FHOD3: variants seen among roughly 807,000 people sequenced by gnomAD.
FHOD3 encodes FH1/FH2 domain-containing protein 3.
A neutral mutation model predicts 173.0 loss-of-function variants in FHOD3; 90 were observed. The observed-to-expected ratio is 0.52, with a 90% CI of 0.44 to 0.62. The LOEUF (loss-of-function observed/expected upper bound fraction) is 0.62, where lower values mean the gene tolerates loss of function less well. Ranked by LOEUF, FHOD3 falls within the 20% of genes least tolerant of loss-of-function variation. The pLI is 0.00. For missense variants in FHOD3, 1,945 were observed against 2,034.7 expected, an observed-to-expected ratio of 0.96 and a Z score of 0.85; for synonymous variants, 828 against 823.0, an observed-to-expected ratio of 1.01 and a Z score of -0.10.
At chr18:36,589,078 G>A (rs967475276) in intron 6 of FHOD3, among the ~76,000 whole-genome samples, 1 of 152,198 alleles carries the variant, frequency 6.6e-6, no homozygotes, top group Admixed American at 6.5e-5. Flanking sequence ...TATTTTGAGA[G>A]TGCAAAATGA....
chr18:36,497,882 C>G (rs1173409631), intron 3 of FHOD3, among the ~76,000 whole-genome samples: 1 of 152,150 alleles, frequency 6.6e-6, no homozygotes, highest in Non-Finnish European at 1.5e-5. Context: ...AGAACAGCCA[C>G]TCAATAACAG....
intron 7 of FHOD3, among the ~76,000 whole-genome samples, chr18:36,595,597 G>C (rs912047509): frequency 6.6e-6 from 1 of 152,092 alleles, no homozygotes. Flanking sequence ...TCTCCAAGTC[G>C]GGGTTGCCTG....
At chr18:36,453,517 C>T (rs1046240862) in intron 3 of FHOD3, among the ~76,000 whole-genome samples, 1 of 152,254 alleles carries the variant, frequency 6.6e-6, no homozygotes, top group African/African-American at 2.4e-5. Context: ...CTGCGCAATG[C>T]AGCCTCCAGG....
chr18:36,651,143 C>G (rs989469519), intron 11 of FHOD3, among the ~76,000 whole-genome samples: 2 of 152,122 alleles, frequency 1.3e-5, no homozygotes, highest in African/African-American at 4.8e-5. Flanking sequence ...AGTGTGTGCT[C>G]CCCGCCTGAG....
At chr18:36,608,261 A>G (rs2032300500) in intron 8 of FHOD3, among the ~76,000 whole-genome samples, 1 of 152,266 alleles carries the variant, frequency 6.6e-6, no homozygotes, top group Non-Finnish European at 1.5e-5. Flanking sequence ...TCCAATATCA[A>G]GATGCTGGCA....
At chr18:36,490,321 T>C (rs940009599) in intron 3 of FHOD3, among the ~76,000 whole-genome samples, 4 of 152,190 alleles carry the variant, frequency 2.6e-5, no homozygotes, top group Non-Finnish European at 5.9e-5. Context: ...TGGACTTTGC[T>C]GGGGCCCCAA....
intron 3 of FHOD3, among the ~76,000 whole-genome samples, chr18:36,392,565 C>T (rs1326998985): frequency 3.3e-5 from 5 of 152,202 alleles, no homozygotes; most frequent in African/African-American, 1.2e-4. Flanking sequence ...AAGTCTACTT[C>T]CTGCCCTCCC....
chr18:36,744,110 C>T lies in FHOD3; in HGVS notation c.3958C>T (p.His1320Tyr). The part of the protein sequence containing the change: ...DTVHKQSLLH[H>Y]VCTMVVENFP... ...AGTGCACAAGCAGTCGCTTCTCCAC[C>T]ATGTGTGCACCATGGTGGTAGAAAA... The change falls in exon 23 of 29, where the codon CAT becomes TAT. Residue 1320 changes from histidine to tyrosine, a missense_variant. Physicochemically the swap from His to Tyr is moderately conservative, Grantham distance 83. Around this residue, in one of 5 missense-constraint regions of FHOD3, gnomAD observed 231 missense variants for 321.9 expected, o/e 0.72. Transcript: ENST00000590592. 6.2e-7 allele frequency: 1 copy of T among 1,614,176 alleles called. No homozygotes were observed. Among genetic ancestry groups the T allele is most frequent in the South Asian group, 1.1e-5 (1 of 91,082 alleles).
At chr18:36,573,218 G>T (rs1192663496) in intron 5 of FHOD3, among the ~76,000 whole-genome samples, 1 of 151,000 alleles carries the variant, frequency 6.6e-6, no homozygotes, top group Admixed American at 6.6e-5. Flanking sequence ...TTAGAAAGCT[G>T]GGAAAATAGG....
chr18:36,608,993 T>C (rs1208712141), intron 8 of FHOD3, among the ~76,000 whole-genome samples: 1 of 152,256 alleles, frequency 6.6e-6, no homozygotes, highest in African/African-American at 2.4e-5. Flanking sequence ...ACAATGGTTT[T>C]ATCCTACAAG....
chr18:36,381,097 G>A (rs148709700), intron 3 of FHOD3, among the ~76,000 whole-genome samples: 13 of 152,300 alleles, frequency 8.5e-5, no homozygotes, highest in Non-Finnish European at 1.3e-4. Flanking sequence ...TACAATTGCC[G>A]AGACCGAGGC....
Position 36,649,387 on chromosome 18 carries a change from C to A in FHOD3, c.1268C>A (p.Ser423Tyr), listed in dbSNP as rs1259728030. Residue 423 changes from serine to tyrosine, a missense_variant, in exon 11 of 29, where the codon TCC (serine) becomes TAC (tyrosine). Coordinates refer to ENST00000590592, the MANE Select transcript of FHOD3 (RefSeq NM_001281740.3). ...SSEEEREDDASCQGKDSKVGA... is the reference protein window; with the variant it reads ...SSEEEREDDAYCQGKDSKVGA... Reference sequence around the variant, plus strand: ...GAAGAAGAGAGAGAGGATGATGCTTCCTGTCAGGGCAAGGACAGGTACCTA... The same window carrying A: ...GAAGAAGAGAGAGAGGATGATGCTTACTGTCAGGGCAAGGACAGGTACCTA... 6.5e-7 allele frequency: 1 copy of A among 1,535,576 alleles called. No homozygotes were observed. The highest frequency in any genetic ancestry group is 2.0e-5 in the Admixed American group (1 of 50,974).
intron 6 of FHOD3, among the ~76,000 whole-genome samples, chr18:36,583,459 C>T (rs1196837471): frequency 6.6e-6 from 1 of 152,200 alleles, no homozygotes; most frequent in East Asian, 1.9e-4. Flanking sequence ...CTTCTCCTCC[C>T]CCACCTTGTT....
At chr18:36,482,846 CTCACACACACACAGAGAGAGAGAG>C (rs1245188230) in intron 3 of FHOD3, among the ~76,000 whole-genome samples, 2 of 54,414 alleles carry the variant, frequency 3.7e-5, no homozygotes, top group African/African-American at 1.3e-4. Context: ...CACACACACA[CTCACACACACACAGAGAGAGAGAG>C]AGAGAGAGAG....
chr18:36,321,438 G>T (rs2044388196), intron 1 of FHOD3, among the ~76,000 whole-genome samples: 1 of 152,206 alleles, frequency 6.6e-6, no homozygotes, highest in South Asian at 2.1e-4. Flanking sequence ...AGCTCAGCTT[G>T]CATGACTTCT....
intron 5 of FHOD3, among the ~76,000 whole-genome samples, chr18:36,554,362 T>C (rs564297706): frequency 5.3e-5 from 8 of 152,110 alleles, no homozygotes; most frequent in African/African-American, 1.2e-4. Context: ...TAGAAACCAT[T>C]ATTCTGAGCA....
Position 36,755,334 on chromosome 18 carries a change from CCTT to C in FHOD3, c.4425+24_4425+26del, listed in dbSNP as rs572175038. 78 of 1,469,972 alleles carry C rather than the reference CCTT, an allele frequency of 5.3e-5. 1 individual carries two copies. In the East Asian group the frequency reaches 1.3e-3, roughly 25 times the overall value. The allele number at this position is 1,469,972 out of a possible 1,614,324, so 91.1% of individuals were successfully genotyped here. A position where few individuals can be genotyped will look rare whatever the true frequency, so the allele number is the denominator to read the frequency against. On this transcript the variant is annotated intron_variant, in intron 25 of 28. Transcript: ENST00000590592. ...GATGTAAGTTTCACACAATCCCTCT[CCTT>C]ATGTCATTCGTTTTCAAAGTAAGAT...
chr18:36,693,171 T>C, intron 16 of FHOD3, 38 bp from the exon 17 acceptor site: 3 of 1,583,876 alleles, frequency 1.9e-6, no homozygotes, highest in Non-Finnish European at 2.6e-6. Flanking sequence ...CAGGCTCCTC[T>C]TTCGTTTGAC....
At chr18:36,606,655 C>T (rs1599849361) in intron 8 of FHOD3, among the ~76,000 whole-genome samples, 1 of 152,144 alleles carries the variant, frequency 6.6e-6, no homozygotes, top group Admixed American at 6.5e-5. Flanking sequence ...AGTCCCAAAT[C>T]CAGAGTCTCA....
Sources: allele counts gnomAD v4.1 joint callset (sites outside exome capture counted in the v4.1 genomes callset), GRCh38; gene constraint gnomAD v4.1.1; regional missense constraint gnomAD v4.1.1; transcripts MANE v1.5; gene names NCBI Gene and HGNC (gene_info 2026-07-23, HGNC 2026-07-21).